Variants in NPDC1 observed in about 807,000 individuals in gnomAD.
NPDC1 encodes the protein neural proliferation differentiation and control protein 1.
In NPDC1, 18 loss-of-function variants were observed where a neutral mutation model predicts 32.5. That is an observed-to-expected ratio of 0.55 (90% CI 0.38 to 0.82). NPDC1 has a LOEUF of 0.82. Among genes scored for constraint, NPDC1 ranks in the 40% least tolerant of loss-of-function variants. The pLI, the probability that NPDC1 is intolerant of heterozygous loss-of-function variation, is 0.00. For synonymous variants in NPDC1, 210 were observed against 184.7 expected, an observed-to-expected ratio of 1.14 and a Z score of -1.11; for missense variants, 468 against 406.6, an observed-to-expected ratio of 1.15 and a Z score of -1.30.
intron 2 of NPDC1, among the ~76,000 whole-genome samples, chr9:137,042,521 T>G (rs1832072594): frequency 6.8e-6 from 1 of 147,704 alleles, no homozygotes; most frequent in Non-Finnish European, 1.5e-5. Flanking sequence ...CCTCCCAAAG[T>G]GCTGGGATTA....
At position 137,039,845 on chromosome 9, in the gene NPDC1, C is replaced by T. The variant is rs550179684; in HGVS notation, c.905G>A (p.Arg302His). Residue 302 changes from arginine (R) to histidine (H), a missense_variant, in exon 9 of 9, where the codon CGC (arginine) becomes CAC (histidine). Physicochemically the swap from Arg to His is conservative, Grantham distance 29. Coordinates refer to ENST00000371601, the MANE Select transcript of NPDC1 (RefSeq NM_015392.4). Reference protein sequence around the residue: ...GLAPTGEMEVRNPLFDHAALS... With the variant: ...GLAPTGEMEVHNPLFDHAALS... ...TGCGGCGTGGTCGAACAGAGGGTTG[C>T]GCACCTCCATTTCCCCGGTCTGCGA... 7 of 779,290 alleles carry T rather than the reference C, an allele frequency of 9.0e-6. No individual in the cohort carries two copies. The East Asian group carries it at 9.7e-5, about 11-fold the overall frequency. 48.3% of individuals were successfully genotyped at this position (779,290 alleles called of 1,614,324 possible).
At chr9:137,040,633 T>C (rs765495618) in intron 5 of NPDC1, 35 bp from the exon 6 acceptor site, 7 of 1,562,428 alleles carry the variant, frequency 4.5e-6, no homozygotes, top group Non-Finnish European at 6.0e-6. Context: ...TCTGAGCGTG[T>C]GGCACCCTCC....
chr9:137,043,322 G>A, intron 1 of NPDC1: 1 of 717,664 alleles, frequency 1.4e-6, no homozygotes, highest in Non-Finnish European at 2.6e-6. Context: ...GCCTGATAGA[G>A]CCCTCAGCTC....
intron 1 of NPDC1, chr9:137,043,374 G>C: frequency 1.4e-6 from 1 of 710,704 alleles, no homozygotes; most frequent in Non-Finnish European, 2.6e-6. Context: ...GAGTTCTCCT[G>C]GGCAGGGCCG....
rs1352546604 is a variant in NPDC1 at position 137,040,372 on chromosome 9, A to G, written c.773T>C (p.Met258Thr). Residue 258 changes from methionine to threonine, a missense_variant, in exon 7 of 9, where the codon ATG becomes ACG. Coordinates refer to ENST00000371601, the MANE Select transcript of NPDC1 (RefSeq NM_015392.4). ...MYHYQHQRQQMLCLERHKEPP... is the reference protein window; with the variant it reads ...MYHYQHQRQQTLCLERHKEPP... ...GGCCACTCACCGCTCCAGGCACAGC[A>G]TCTGTTGCCGTTGGTGCTGGTAGTG... 1.3e-6 allele frequency: 2 copies of G among 1,545,478 alleles called. No individual in the cohort carries two copies. Among genetic ancestry groups the G allele is most frequent in the Non-Finnish European group, 1.7e-6 (2 of 1,146,726 alleles).
Position 137,046,175 on chromosome 9 carries a change from T to A in NPDC1, c.-186A>T, listed in dbSNP as rs2131505427. On this transcript the variant is annotated 5_prime_UTR_variant, in exon 1 of 9. Transcript: ENST00000371601. Reference sequence around the variant, plus strand: ...GGCGGCGCTGACGCTGCAGCAAGGATCCGGGATGGAGGCGCCGGCGAGGCG... The same window carrying A: ...GGCGGCGCTGACGCTGCAGCAAGGAACCGGGATGGAGGCGCCGGCGAGGCG... 1 of 1,098,102 alleles carries A rather than the reference T, an allele frequency of 9.1e-7. No individual in the cohort carries two copies. Among genetic ancestry groups the A allele is most frequent in the East Asian group, 5.0e-5 (1 of 19,848 alleles). 68.0% of individuals were successfully genotyped at this position (1,098,102 alleles called of 1,614,324 possible).
Position 137,040,852 on chromosome 9 carries a change from AG to A in NPDC1, c.517del (p.Leu173TrpfsTer15). 2 of 1,598,448 alleles carry A rather than the reference AG, an allele frequency of 1.3e-6. No homozygotes were observed. ...VSSDPVHMSP[L>X]EPRGGQGDGL... ...GTCGCCTTGCCCTCCCCGGGGCTCC[AG>A]GGGCGACATGTGCACCGGGTCGGAT... On this transcript the variant is annotated frameshift_variant, in exon 4 of 9. Coordinates refer to ENST00000371601, the MANE Select transcript of NPDC1 (RefSeq NM_015392.4). LOFTEE classifies it high-confidence loss of function.
At position 137,041,053 on chromosome 9, in the gene NPDC1, G is replaced by A. The variant is rs377676523; in HGVS notation, c.385+9C>T. The A allele has an allele frequency of 1.3e-6, 2 of 1,520,054 alleles. No individual in the cohort carries two copies. The highest frequency in any genetic ancestry group is 1.4e-5 in the African/African-American group (1 of 71,664). 94.2% of individuals were successfully genotyped at this position (1,520,054 alleles called of 1,614,324 possible). A position where few individuals can be genotyped will look rare whatever the true frequency, so the allele number is the denominator to read the frequency against. ...CAGGGCCGTGGGGCAGGGGAAGCGG[G>A]GGTCTCACCAGGCTCCGGGAGCCGC... is the stretch of plus-strand genomic sequence containing the variant. On this transcript the variant is annotated intron_variant, in intron 3 of 8. Coordinates refer to ENST00000371601, the MANE Select transcript of NPDC1 (RefSeq NM_015392.4).
Position 137,039,953 on chromosome 9 carries a change from G to A in NPDC1, c.885+18C>T, listed in dbSNP as rs745766868. 1 of 778,876 alleles carries A rather than the reference G, an allele frequency of 1.3e-6. No individual in the cohort carries two copies. The highest frequency in any genetic ancestry group is 2.4e-6 in the Non-Finnish European group (1 of 417,954). The allele number at this position is 778,876 out of a possible 1,614,324, so 48.2% of individuals were successfully genotyped here. A position where few individuals can be genotyped will look rare whatever the true frequency, so the allele number is the denominator to read the frequency against. ...CCCAGGAGATGGTTCGCCCCTCCCT[G>A]CACCCTGAGGCACTCACCGGGGCCA... On this transcript the variant is annotated intron_variant, in intron 8 of 8. Transcript: ENST00000371601.
Position 137,042,988 on chromosome 9 carries a change from G to A in NPDC1, c.198C>T (p.Cys66=), listed in dbSNP as rs754089259. The change falls in exon 2 of 9, where the codon TGC becomes TGT. Residue 66 remains cysteine, a synonymous_variant. Coordinates refer to ENST00000371601, the MANE Select transcript of NPDC1 (RefSeq NM_015392.4). ...CPPGAHACGP[C]LQPFQEDQQG... is the part of the protein sequence containing the mutation. Reference sequence around the variant, plus strand: ...GCTGGTCCTCCTGGAAGGGCTGAAGGCAGGGCCCACAGGCATGTGCACCAG... The same window carrying A: ...GCTGGTCCTCCTGGAAGGGCTGAAGACAGGGCCCACAGGCATGTGCACCAG... 7 of 1,612,674 alleles carry A rather than the reference G, an allele frequency of 4.3e-6. No individual in the cohort carries two copies. The Admixed American group carries it at 1.2e-4, about 27-fold the overall frequency.
chr9:137,044,817 T>C (rs1416642744), intron 1 of NPDC1, among the ~76,000 whole-genome samples: 1 of 152,244 alleles, frequency 6.6e-6, no homozygotes. Flanking sequence ...CTTTCCTGGC[T>C]GAGCACACTC....
rs1234706218 is a variant in NPDC1 at position 137,039,615 on chromosome 9, C to T, written c.*157G>A. Reference sequence around the variant, plus strand: ...CAGGAGGTGTCCTGGCACAAAGGTTCGGGGGTCTCCCTGGCAAGGGGTCCC... The same window carrying T: ...CAGGAGGTGTCCTGGCACAAAGGTTTGGGGGTCTCCCTGGCAAGGGGTCCC... On this transcript the variant is annotated 3_prime_UTR_variant, in exon 9 of 9. Transcript: ENST00000371601. 1.0e-5 allele frequency: 6 copies of T among 590,870 alleles called. No individual in the cohort carries two copies. The highest frequency in any genetic ancestry group is 3.1e-5 in the Admixed American group (1 of 32,000). The allele number at this position is 590,870 out of a possible 1,614,324, so 36.6% of individuals were successfully genotyped here. A position where few individuals can be genotyped will look rare whatever the true frequency, so the allele number is the denominator to read the frequency against.
In NPDC1 at chr9:137,042,985, A is replaced by C; in HGVS notation, c.201T>G (p.Leu67=). 6.2e-7 allele frequency: 1 copy of C among 1,612,792 alleles called. No homozygotes were observed. The highest frequency in any genetic ancestry group is 8.5e-7 in the Non-Finnish European group (1 of 1,179,872). The change falls in exon 2 of 9, where the codon CTT becomes CTG. Residue 67 remains leucine (L), a synonymous_variant. Transcript: ENST00000371601. The part of the protein sequence containing the change: ...PPGAHACGPC[L]QPFQEDQQGL... ...CTTGCTGGTCCTCCTGGAAGGGCTGAAGGCAGGGCCCACAGGCATGTGCAC... is the reference window on the plus strand; with the variant it reads ...CTTGCTGGTCCTCCTGGAAGGGCTGCAGGCAGGGCCCACAGGCATGTGCAC...
chr9:137,043,163 G>T, intron 1 of NPDC1, 90 bp from the exon 2 acceptor site: 2 of 1,139,240 alleles, frequency 1.8e-6, no homozygotes, highest in Non-Finnish European at 2.3e-6. Context: ...ACCCGCCCCC[G>T]TCACCCCCCG....
At chr9:137,044,406 C>T (rs1286949436) in intron 1 of NPDC1, among the ~76,000 whole-genome samples, 1 of 152,202 alleles carries the variant, frequency 6.6e-6, no homozygotes, top group Non-Finnish European at 1.5e-5. Context: ...AGTCCCCGCT[C>T]CTGTGCTGAT....
chr9:137,045,734 C>T lies in NPDC1; in HGVS notation c.112+144G>A, dbSNP rs537631318. ...CCTGTTTATTCCATCGTGGGCGAGG[C>T]GGGGCCCCCGCCACCAGCGGACCAG... On this transcript the variant is annotated intron_variant, in intron 1 of 8. Coordinates refer to ENST00000371601, the MANE Select transcript of NPDC1 (RefSeq NM_015392.4). 3.2e-4 allele frequency: 124 copies of T among 385,454 alleles called. No homozygotes were observed. The Middle Eastern group carries it at 6.7e-3, about 21-fold the overall frequency. 23.9% of individuals were successfully genotyped at this position (385,454 alleles called of 1,614,324 possible).
intron 1 of NPDC1, chr9:137,043,361 G>A (rs923759343): frequency 5.6e-6 from 4 of 716,018 alleles, no homozygotes; most frequent in African/African-American, 1.7e-5. Context: ...TCCAGGCAGT[G>A]CTGAGTTCTC....
chr9:137,043,236 T>C, intron 1 of NPDC1, 163 bp from the exon 2 acceptor site: 1 of 818,396 alleles, frequency 1.2e-6, no homozygotes, highest in Non-Finnish European at 2.1e-6. Flanking sequence ...ACGCCAGGGC[T>C]CAGAACCCGG....
At position 137,042,197 on chromosome 9, in the gene NPDC1, C is replaced by T. The variant is rs1244677410; in HGVS notation, c.259+730G>A. Reference sequence around the variant, plus strand: ...CCCAGGCCTTGGACCCAACACCCCACAAGGTCCAGGGGCCCCAAGACCACC... The same window carrying T: ...CCCAGGCCTTGGACCCAACACCCCATAAGGTCCAGGGGCCCCAAGACCACC... On this transcript the variant is annotated intron_variant, in intron 2 of 8. Coordinates refer to ENST00000371601, the MANE Select transcript of NPDC1 (RefSeq NM_015392.4). 2.0e-5 allele frequency among the ~76,000 whole-genome samples: 3 copies of T among 152,048 alleles called. No homozygotes were observed. The South Asian group carries it at 6.2e-4, about 32-fold the overall frequency.
Sources: gnomAD v4.1 joint callset for allele counts (sites outside exome capture counted in the v4.1 genomes callset) on GRCh38, gnomAD v4.1.1 for gene constraint, MANE v1.5 for transcripts, NCBI Gene and HGNC (gene_info 2026-07-23, HGNC 2026-07-21) for gene names.